Variants in GFRA1 observed in about 807,000 individuals in gnomAD.
GFRA1 encodes GDNF family receptor alpha 1.
A neutral mutation model predicts 51.6 loss-of-function variants in GFRA1; 16 were observed. That is an observed-to-expected ratio of 0.31 (90% confidence interval 0.21 to 0.47). The LOEUF is 0.47. Ranked by LOEUF, GFRA1 falls within the 20% of genes least tolerant of loss-of-function variation. The probability of loss-of-function intolerance (pLI) is 1.00; values close to 1 mark genes in which losing one functional copy is unlikely to be tolerated. For synonymous variants in GFRA1, 270 were observed against 241.3 expected (o/e 1.12, Z -1.10); for missense variants, 530 against 594.3 (o/e 0.89, Z 1.13).
intron 5 of GFRA1, among the ~76,000 whole-genome samples, chr10:116,155,889 G>A (rs1959189677): frequency 6.6e-6 from 1 of 152,158 alleles, no homozygotes; most frequent in African/African-American, 2.4e-5. Context: ...TGGCTAGTAA[G>A]GGAGGGAGAA....
At chr10:116,092,330 C>A (rs756664642) in intron 8 of GFRA1, among the ~76,000 whole-genome samples, 10 of 152,084 alleles carry the variant, frequency 6.6e-5, no homozygotes, top group Non-Finnish European at 1.5e-4. Context: ...GTCTGGTAAG[C>A]AAATGACTTC....
At chr10:116,153,225 A>C (rs1452534236) in intron 5 of GFRA1, among the ~76,000 whole-genome samples, 1 of 152,198 alleles carries the variant, frequency 6.6e-6, no homozygotes, top group Non-Finnish European at 1.5e-5. Context: ...AAGGTTCTCA[A>C]ATGTTGCAGA....
At chr10:116,117,138 C>G (rs746336028) in intron 6 of GFRA1, among the ~76,000 whole-genome samples, 5 of 152,204 alleles carry the variant, frequency 3.3e-5, no homozygotes, top group Admixed American at 6.5e-5. Flanking sequence ...TGATCATCCC[C>G]TTGCAGGGTG....
rs541425096 is a variant in GFRA1, at chr10:116,234,916, T to G, written c.419-23271A>C. Among the ~76,000 whole-genome samples, 30 of 152,336 alleles carry G rather than the reference T, an allele frequency of 2.0e-4. No individual in the cohort carries two copies. In the East Asian group the frequency reaches 5.6e-3, roughly 28 times the overall value. On this transcript the variant is annotated intron_variant, in intron 4 of 10. Transcript: ENST00000355422. ...ATAGTGAGTGAGTTCTCATAAGATC[T>G]GATGGTTTTATAAGAGGCTTTTTCC... is the stretch of plus-strand genomic sequence containing the variant.
At chr10:116,206,709 T>C (rs7923755) in intron 5 of GFRA1, among the ~76,000 whole-genome samples, 36,160 of 144,856 alleles carry the variant, frequency 0.25, 4,565 homozygotes, top group South Asian at 0.3. Context: ...CTCGGCTCAC[T>C]GCAAGCTCCG....
chr10:116,109,238 T>C (rs1209416297), intron 6 of GFRA1, among the ~76,000 whole-genome samples: 1 of 152,136 alleles, frequency 6.6e-6, no homozygotes, highest in Non-Finnish European at 1.5e-5. Context: ...CGCAGCTTCT[T>C]GAGCTCATAC....
chr10:116,237,199 T>A (rs2420251), intron 4 of GFRA1, among the ~76,000 whole-genome samples: 1 of 152,048 alleles, frequency 6.6e-6, no homozygotes, highest in Admixed American at 6.6e-5. Flanking sequence ...CTATACAAAC[T>A]GCTCTGCACT....
intron 5 of GFRA1, among the ~76,000 whole-genome samples, chr10:116,207,526 C>G (rs1964871744): frequency 1.3e-5 from 2 of 152,138 alleles, no homozygotes; most frequent in Admixed American, 1.3e-4. Context: ...CAAAAACCCC[C>G]TTTCTTTGTT....
At chr10:116,118,844 C>T (rs1053047199) in intron 6 of GFRA1, among the ~76,000 whole-genome samples, 3 of 152,098 alleles carry the variant, frequency 2.0e-5, no homozygotes, top group East Asian at 1.9e-4. Flanking sequence ...CTGAGGAAAA[C>T]GAGGCAGAGA....
chr10:116,079,767 C>G (rs940731385), intron 9 of GFRA1, among the ~76,000 whole-genome samples: 5 of 152,070 alleles, frequency 3.3e-5, no homozygotes, highest in Non-Finnish European at 5.9e-5. Flanking sequence ...AACTCACAGC[C>G]AAGAGGTTAC....
At chr10:116,251,963 CTTT>C (rs3032041) in intron 4 of GFRA1, among the ~76,000 whole-genome samples, 10,648 of 79,704 alleles carry the variant, frequency 0.13, 759 homozygotes, top group South Asian at 0.23. Context: ...CAATAGGCCT[CTTT>C]TTTTTTTTTT....
chr10:116,149,296 T>C (rs1301532356), intron 5 of GFRA1, among the ~76,000 whole-genome samples: 1 of 152,214 alleles, frequency 6.6e-6, no homozygotes, highest in African/African-American at 2.4e-5. Flanking sequence ...AAATATGGCC[T>C]GCAGAAAATC....
At chr10:116,180,652 T>C (rs937027069) in intron 5 of GFRA1, among the ~76,000 whole-genome samples, 5 of 152,216 alleles carry the variant, frequency 3.3e-5, no homozygotes, top group African/African-American at 1.2e-4. Flanking sequence ...CGGCCAATCA[T>C]TGGCCTCTCT....
chr10:116,065,791 A>T (rs1289976127), intron 9 of GFRA1, among the ~76,000 whole-genome samples, 165 bp from the exon 10 acceptor site: 1 of 152,216 alleles, frequency 6.6e-6, no homozygotes, highest in African/African-American at 2.4e-5. Context: ...TAATAAAGAG[A>T]TATCAGGTGA....
intron 5 of GFRA1, among the ~76,000 whole-genome samples, chr10:116,126,271 A>G (rs769030704): frequency 1.6e-4 from 25 of 152,402 alleles, no homozygotes; most frequent in Non-Finnish European, 1.8e-4. Context: ...TATTTTGAAT[A>G]GAATTTCAAT....
At chr10:116,074,875 G>T (rs1291410744) in intron 9 of GFRA1, among the ~76,000 whole-genome samples, 1 of 152,170 alleles carries the variant, frequency 6.6e-6, no homozygotes, top group Non-Finnish European at 1.5e-5. Flanking sequence ...GAAGTCCTAA[G>T]GATAAAAGGT....
At chr10:116,202,994 C>A (rs1289673405) in intron 5 of GFRA1, among the ~76,000 whole-genome samples, 1 of 152,094 alleles carries the variant, frequency 6.6e-6, no homozygotes, top group South Asian at 2.1e-4. Context: ...TTTTGAAGAA[C>A]AGGGATCAAT....
chr10:116,216,103 T>C (rs191721237), intron 4 of GFRA1, among the ~76,000 whole-genome samples: 8 of 152,318 alleles, frequency 5.3e-5, no homozygotes, highest in Middle Eastern at 3.4e-3. Context: ...AGATCTTTAA[T>C]GCACTGAGTC....
At chr10:116,258,899 G>A (rs377616033) in intron 4 of GFRA1, among the ~76,000 whole-genome samples, 5 of 152,192 alleles carry the variant, frequency 3.3e-5, no homozygotes, top group South Asian at 2.1e-4. Context: ...CAACCATTTC[G>A]AATTGGGAGT....
Sources: gnomAD v4.1 joint callset for allele counts (sites outside exome capture counted in the v4.1 genomes callset) on GRCh38, gnomAD v4.1.1 for gene constraint, MANE v1.5 for transcripts, NCBI Gene and HGNC (gene_info 2026-07-23, HGNC 2026-07-21) for gene names.